The following TRMT1L variants were observed in gnomAD, a reference collection of about 807,000 sequenced individuals.
The protein encoded by TRMT1L is tRNA methyltransferase 1L, also known as tRNA (guanine(27)-N(2))-dimethyltransferase.
TRMT1L carries 28 observed loss-of-function variants against 81.6 expected under a neutral mutation model. The ratio of observed to expected loss-of-function variants is 0.34; its 90% CI spans 0.25 to 0.47. The LOEUF (loss-of-function observed/expected upper bound fraction) is 0.47. Among genes scored for constraint, TRMT1L ranks in the 20% least tolerant of loss-of-function variants. TRMT1L has a pLI of 1.00. For missense variants in TRMT1L, 739 were observed against 877.1 expected (o/e 0.84, Z 1.99); for synonymous variants, 301 against 303.2 (o/e 0.99, Z 0.07).
chr1:185,140,864 C>T (rs1208082572), intron 7 of TRMT1L, among the ~76,000 whole-genome samples: 1 of 150,676 alleles, frequency 6.6e-6, no homozygotes, highest in East Asian at 2.0e-4. Flanking sequence ...CTTGTGGTCC[C>T]AGCTACTTTT....
Position 185,145,451 on chromosome 1 carries a change from T to C in TRMT1L, c.643A>G (p.Ser215Gly). The C allele has an allele frequency of 6.2e-7, 1 of 1,610,170 alleles. No individual in the cohort carries two copies. The highest frequency in any genetic ancestry group is 8.5e-7 in the Non-Finnish European group (1 of 1,177,326). ...TTGCTCAACTTACCTGCAATATAAC[T>C]AGATTTAGTCTCTCCTTTATTCATG... is the stretch of plus-strand genomic sequence containing the variant. ...RHMNKGETKS[S>G]YIAASTAKPP... Residue 215 changes from serine to glycine, a missense_variant, in exon 5 of 15, where the codon AGT (serine) becomes GGT (glycine). Ser to Gly is a moderately conservative substitution (Grantham distance 56). This residue lies in a region of TRMT1L where 331 missense variants were observed against 462.2 expected (regional missense o/e 0.72). Transcript: ENST00000367506.
rs1321025515 is a variant in TRMT1L at position 185,119,701 on chromosome 1, T to C, written c.*318A>G. Reference sequence around the variant, plus strand: ...GATTAAGAATTGTAAAAGATGGCTTTCATAACATACATAAAATTCCAAACA... The same window carrying C: ...GATTAAGAATTGTAAAAGATGGCTTCCATAACATACATAAAATTCCAAACA... On this transcript the variant is annotated 3_prime_UTR_variant, in exon 15 of 15. Coordinates refer to ENST00000367506, the MANE Select transcript of TRMT1L (RefSeq NM_030934.5). The C allele has an allele frequency of 8.6e-5, 18 of 209,838 alleles. No homozygotes were observed. Among genetic ancestry groups the C allele is most frequent in the Non-Finnish European group, 7.6e-5 (8 of 104,626 alleles). 13.0% of individuals were successfully genotyped at this position (209,838 alleles called of 1,614,324 possible).
chr1:185,130,701 T>C (rs1652748353), intron 10 of TRMT1L, among the ~76,000 whole-genome samples: 1 of 152,196 alleles, frequency 6.6e-6, no homozygotes, highest in Admixed American at 6.5e-5. Flanking sequence ...GTCCTCCCCA[T>C]TCCAAAAGAT....
chr1:185,156,903 A>T lies in TRMT1L; in HGVS notation c.-191T>A. 1 of 772,854 alleles carries T rather than the reference A, an allele frequency of 1.3e-6. No homozygotes were observed. Among genetic ancestry groups the T allele is most frequent in the South Asian group, 2.0e-5 (1 of 49,980 alleles). The allele number at this position is 772,854 out of a possible 1,614,324, so 47.9% of individuals were successfully genotyped here. Reference sequence around the variant, plus strand: ...TCCTGTTAGTAGAAAACAGAAAGCCAGAGGCAGCGATTCCAGATGCCCGTC... The same window carrying T: ...TCCTGTTAGTAGAAAACAGAAAGCCTGAGGCAGCGATTCCAGATGCCCGTC... On this transcript the variant is annotated 5_prime_UTR_variant, in exon 1 of 15. Coordinates refer to ENST00000367506, the MANE Select transcript of TRMT1L (RefSeq NM_030934.5).
intron 10 of TRMT1L, among the ~76,000 whole-genome samples, chr1:185,134,633 A>C (rs372394404): frequency 1.3e-5 from 2 of 152,278 alleles, no homozygotes; most frequent in Non-Finnish European, 2.9e-5. Context: ...ATCACTTATC[A>C]AGTCAAAAAG....
At chr1:185,130,240 G>A (rs973393594) in intron 10 of TRMT1L, among the ~76,000 whole-genome samples, 4 of 152,210 alleles carry the variant, frequency 2.6e-5, no homozygotes, top group Admixed American at 6.5e-5. Context: ...GTACATAAGC[G>A]AGGAAGGCAA....
At chr1:185,140,285 T>C (rs2102245720) in intron 7 of TRMT1L, 63 bp from the exon 8 acceptor site, 6 of 1,267,074 alleles carry the variant, frequency 4.7e-6, no homozygotes, top group Non-Finnish European at 6.5e-6. Context: ...ATAAAAATGG[T>C]ATAACAACAT....
chr1:185,137,845 G>A, intron 9 of TRMT1L, 49 bp from the exon 10 acceptor site: 1 of 1,582,286 alleles, frequency 6.3e-7, no homozygotes, highest in Non-Finnish European at 8.6e-7. Context: ...ATTTTCCCTT[G>A]TTTGGCATTA....
chr1:185,148,283 C>T (rs911813565), intron 3 of TRMT1L, among the ~76,000 whole-genome samples: 1 of 152,120 alleles, frequency 6.6e-6, no homozygotes, highest in African/African-American at 2.4e-5. Context: ...ATGCATCTCA[C>T]CCTTTAAATG....
At chr1:185,149,243 G>T (rs1653269967) in intron 3 of TRMT1L, among the ~76,000 whole-genome samples, 1 of 150,516 alleles carries the variant, frequency 6.6e-6, no homozygotes, top group Admixed American at 6.6e-5. Context: ...TTGTTACTAA[G>T]TAAATATTGC....
In TRMT1L at chr1:185,145,450, C is replaced by A. The variant is rs764115207; in HGVS notation, c.644G>T (p.Ser215Ile). The A allele has an allele frequency of 3.1e-6, 5 of 1,609,494 alleles. No individual in the cohort carries two copies. In the South Asian group the frequency reaches 5.5e-5, roughly 18 times the overall value. Residue 215 changes from serine (S) to isoleucine (I), a missense_variant, in exon 5 of 15, where the codon AGT becomes ATT. By Grantham distance (142) the Ser-to-Ile change is moderately radical. Transcript: ENST00000367506. Reference protein sequence around the residue: ...RHMNKGETKSSYIAASTAKPP... With the variant: ...RHMNKGETKSIYIAASTAKPP... ...ATTGCTCAACTTACCTGCAATATAA[C>A]TAGATTTAGTCTCTCCTTTATTCAT...
chr1:185,140,102 A>C lies in TRMT1L; in HGVS notation c.980T>G (p.Val327Gly), dbSNP rs750791776. Residue 327 changes from valine (V) to glycine (G), a missense_variant, in exon 8 of 15, where the codon GTG (valine) becomes GGG (glycine). Around this residue, in one of 4 missense-constraint regions of TRMT1L, gnomAD observed 331 missense variants for 462.2 expected, o/e 0.72. Coordinates refer to ENST00000367506, the MANE Select transcript of TRMT1L (RefSeq NM_030934.5). The part of the protein sequence containing the change: ...QENCHLNKLK[V>G]VVDSKEKEKS... ...TTCCTTTTCCTTACTGTCCACCACC[A>C]CTTTCAATTTGTTTAAATGGCAGTT... is the stretch of plus-strand genomic sequence containing the variant. The C allele has an allele frequency of 3.7e-5, 60 of 1,613,636 alleles. No individual in the cohort carries two copies. The highest frequency in any genetic ancestry group is 4.7e-5 in the Non-Finnish European group (56 of 1,179,866).
At chr1:185,121,655 G>A (rs1041695346) in intron 13 of TRMT1L, among the ~76,000 whole-genome samples, 2 of 151,928 alleles carry the variant, frequency 1.3e-5, no homozygotes, top group Admixed American at 6.6e-5. Flanking sequence ...TCAAAGGATA[G>A]ATATCCAGAT....
At chr1:185,151,169 A>C (rs995558492) in intron 2 of TRMT1L, among the ~76,000 whole-genome samples, 5 of 152,210 alleles carry the variant, frequency 3.3e-5, no homozygotes, top group African/African-American at 1.2e-4. Flanking sequence ...GAAAGAATTA[A>C]ATTTCAAATT....
At chr1:185,120,550 T>C (rs1386699085) in intron 13 of TRMT1L, 41 bp from the exon 14 acceptor site, 10 of 1,479,332 alleles carry the variant, frequency 6.8e-6, no homozygotes, top group Non-Finnish European at 8.9e-6. Flanking sequence ...TCTTAAAAAT[T>C]ACAAGCCAAA....
rs560473847 is a variant in TRMT1L at position 185,139,248 on chromosome 1, A to G, written c.1322+119T>C. 35 of 770,536 alleles carry G rather than the reference A, an allele frequency of 4.5e-5. No homozygotes were observed. The East Asian group carries it at 5.4e-4, about 12-fold the overall frequency. 47.7% of individuals were successfully genotyped at this position (770,536 alleles called of 1,614,324 possible). A position where few individuals can be genotyped will look rare whatever the true frequency, so the allele number is the denominator to read the frequency against. On this transcript the variant is annotated intron_variant, in intron 9 of 14. Coordinates refer to ENST00000367506, the MANE Select transcript of TRMT1L (RefSeq NM_030934.5). ...GTAAGATTAAAAACCAGTATTACAG[A>G]TAAGGAATACAGAATTTATATTTTG...
chr1:185,143,599 A>G (rs182010731), intron 6 of TRMT1L, among the ~76,000 whole-genome samples, 163 bp from the exon 7 acceptor site: 78 of 152,246 alleles, frequency 5.1e-4, no homozygotes, highest in African/African-American at 1.6e-3. Flanking sequence ...AACTAAAAAT[A>G]TGTGAAATTA....
rs972477058 is a variant in TRMT1L at position 185,118,548 on chromosome 1, C to T, written c.*1471G>A. ...TATAGTAATTTTTAATTGAAAAAAA[C>T]CTCATTTATTCTGCTCATTTGCAAG... On this transcript the variant is annotated 3_prime_UTR_variant, in exon 15 of 15. Transcript: ENST00000367506. 6.6e-6 allele frequency: 1 copy of T among 151,842 alleles called. No homozygotes were observed. The highest frequency in any genetic ancestry group is 1.5e-5 in the Non-Finnish European group (1 of 67,950). The allele number at this position is 151,842 out of a possible 1,614,324, so 9.4% of individuals were successfully genotyped here.
rs1390894048 is a variant in TRMT1L, at chr1:185,156,516, G to C, written c.197C>G (p.Ser66Cys). ...APALAQAPAL[S>C]PSLASAPEEA... ...CTCAGGGGCAGAGGCTAGGGACGGG[G>C]ACAGGGCCGGAGCCTGGGCCAGGGC... Residue 66 changes from serine to cysteine, a missense_variant, in exon 1 of 15, where the codon TCC becomes TGC. Physicochemically the swap from Ser to Cys is moderately radical, Grantham distance 112. Around this residue, in one of 4 missense-constraint regions of TRMT1L, gnomAD observed 209 missense variants for 165.4 expected, o/e 1.26. Coordinates refer to ENST00000367506, the MANE Select transcript of TRMT1L (RefSeq NM_030934.5). 1.9e-6 allele frequency: 3 copies of C among 1,613,592 alleles called. No individual in the cohort carries two copies. The highest frequency in any genetic ancestry group is 2.5e-6 in the Non-Finnish European group (3 of 1,179,766).
Sources: gnomAD v4.1 joint callset for allele counts (sites outside exome capture counted in the v4.1 genomes callset) on GRCh38, gnomAD v4.1.1 for gene constraint, gnomAD v4.1.1 regional missense constraint, MANE v1.5 for transcripts, NCBI Gene and HGNC (gene_info 2026-07-23, HGNC 2026-07-21) for gene names.